The following SEMA6B variants were observed in gnomAD, a reference collection of about 807,000 sequenced individuals.
SEMA6B encodes the protein semaphorin 6B, also known as semaphorin-6B.
In SEMA6B, 47 loss-of-function variants were observed where a neutral mutation model predicts 78.6. The ratio of observed to expected loss-of-function variants is 0.60; its 90% CI spans 0.47 to 0.76. SEMA6B has a LOEUF of 0.76. Among genes scored for constraint, SEMA6B ranks in the 30% least tolerant of loss-of-function variants. The pLI, the probability that SEMA6B is intolerant of heterozygous loss-of-function variation, is 0.00. For missense variants in SEMA6B, 1,213 were observed against 1,269.9 expected (o/e 0.96, Z 0.68); for synonymous variants, 632 against 592.2 (o/e 1.07, Z -0.98).
intron 1 of SEMA6B, among the ~76,000 whole-genome samples, 200 bp downstream of exon 1, chr19:4,559,330 C>T (rs945116300): frequency 7.2e-5 from 11 of 152,136 alleles, no homozygotes; most frequent in African/African-American, 1.4e-4. Context: ...TTTCATTCTC[C>T]GCTTGCACAC....
Position 4,550,961 on chromosome 19 carries a change from G to A in SEMA6B, c.990-31C>T. The A allele has an allele frequency of 6.2e-7, 1 of 1,611,524 alleles. No homozygotes were observed. Among genetic ancestry groups the A allele is most frequent in the Non-Finnish European group, 8.5e-7 (1 of 1,178,750 alleles). On this transcript the variant is annotated intron_variant, in intron 10 of 16. Transcript: ENST00000586582. The surrounding 1 kb of genome is among the most constrained non-coding windows in gnomAD (Gnocchi z 6.6). The stretch of plus-strand genomic sequence containing the variant: ...GGGTTGGGATGAAAGAGTTTGGTGA[G>A]CCCGGTGGGAGGCCCCATCTCGGAC...
Position 4,550,424 on chromosome 19 carries a change from G to C in SEMA6B, c.1122-152C>G. 1.2e-6 allele frequency: 1 copy of C among 848,154 alleles called. No homozygotes were observed. Among genetic ancestry groups the C allele is most frequent in the Non-Finnish European group, 1.8e-6 (1 of 553,858 alleles). The allele number at this position is 848,154 out of a possible 1,614,324, so 52.5% of individuals were successfully genotyped here. On this transcript the variant is annotated intron_variant, in intron 11 of 16. Transcript: ENST00000586582. The surrounding 1 kb of genome is among the most constrained non-coding windows in gnomAD (Gnocchi z 6.6). ...GAGTCTCAATCTGTCGCCCAGGCTG[G>C]AGTGCTTTGGCTCACTGCAACCTCC...
At chr19:4,546,165 C>T in intron 16 of SEMA6B, 51 bp downstream of exon 16, 2 of 1,533,784 alleles carry the variant, frequency 1.3e-6, no homozygotes, top group Non-Finnish European at 1.8e-6. Context: ...CCCTCCCCTC[C>T]CCCATGGTAG....
rs1977548955 is a variant in SEMA6B, at chr19:4,558,998, G to A, written c.-32-509C>T. Among the ~76,000 whole-genome samples, 1 of 151,858 alleles carries A rather than the reference G, an allele frequency of 6.6e-6. No individual in the cohort carries two copies. The highest frequency in any genetic ancestry group is 1.5e-5 in the Non-Finnish European group (1 of 67,948). Reference sequence around the variant, plus strand: ...CATCTGAGGTCAGGAGTTCAAGACCGGCCTGCCTAACATAGCGAAACCCTG... The same window carrying A: ...CATCTGAGGTCAGGAGTTCAAGACCAGCCTGCCTAACATAGCGAAACCCTG... On this transcript the variant is annotated intron_variant, in intron 1 of 16. Coordinates refer to ENST00000586582, the MANE Select transcript of SEMA6B (RefSeq NM_032108.4). The surrounding 1 kb of genome is among the most constrained non-coding windows in gnomAD (Gnocchi z 5.1).
chr19:4,543,640 G>C lies in SEMA6B; in HGVS notation c.2628C>G (p.Pro876=), dbSNP rs1977079440. 4 of 1,232,614 alleles carry C rather than the reference G, an allele frequency of 3.2e-6. No homozygotes were observed. The allele number at this position is 1,232,614 out of a possible 1,614,324, so 76.4% of individuals were successfully genotyped here. A position where few individuals can be genotyped will look rare whatever the true frequency, so the allele number is the denominator to read the frequency against. The change falls in exon 17 of 17, where the codon CCC becomes CCG. Residue 876 remains proline, a synonymous_variant. Coordinates refer to ENST00000586582, the MANE Select transcript of SEMA6B (RefSeq NM_032108.4). ...RPGTDLAHLL[P]YGGADRTAPP... The stretch of plus-strand genomic sequence containing the variant: ...GCGCAGTCCTGTCCGCCCCCCCATA[G>C]GGGAGGAGGTGGGCCAAGTCTGTGC...
chr19:4,546,125 C>T, intron 16 of SEMA6B, 91 bp downstream of exon 16: 2 of 1,332,700 alleles, frequency 1.5e-6, no homozygotes, highest in South Asian at 1.4e-5. Context: ...CACCCACCTC[C>T]CAGAGGATTC....
At chr19:4,559,340 C>T (rs528618158) in intron 1 of SEMA6B, among the ~76,000 whole-genome samples, 190 bp downstream of exon 1, 43 of 152,308 alleles carry the variant, frequency 2.8e-4, no homozygotes, top group African/African-American at 1.0e-3. Context: ...CGCTTGCACA[C>T]CTCCATGACA....
intron 3 of SEMA6B, 37 bp downstream of exon 3, chr19:4,557,989 C>A: frequency 7.5e-7 from 1 of 1,326,754 alleles, no homozygotes; most frequent in African/African-American, 1.5e-5. Context: ...GCTCATTCTG[C>A]TCGTCACACA....
At chr19:4,546,298 C>T (rs770357639) in intron 15 of SEMA6B, 24 bp from the exon 16 acceptor site, 14 of 1,612,206 alleles carry the variant, frequency 8.7e-6, no homozygotes, top group Non-Finnish European at 1.2e-5. Context: ...GAGGCACCGT[C>T]AGCAGAGGCC....
chr19:4,551,594 G>A (rs1977333636), intron 10 of SEMA6B, among the ~76,000 whole-genome samples: 1 of 151,744 alleles, frequency 6.6e-6, no homozygotes, highest in Admixed American at 6.6e-5. Flanking sequence ...CACTTTGGGA[G>A]GCTGAGGCGG....
rs1486567425 is a variant in SEMA6B, at chr19:4,544,126, C to T, written c.2142G>A (p.Pro714=). ...GAGTGGGCAGGCGCTTCTGCGGCAG[C>T]GGCGTCTGCTCGGGCGTGGGCAGCA... ...SGLLPTPEQT[P]LPQKRLPTPH... Residue 714 remains proline, a synonymous_variant, in exon 17 of 17, where the codon CCG becomes CCA. Coordinates refer to ENST00000586582, the MANE Select transcript of SEMA6B (RefSeq NM_032108.4). This position sits in a 1 kb window ranked among gnomAD's most constrained non-coding sequence, Gnocchi z 5.1. 1.6e-6 allele frequency: 2 copies of T among 1,274,336 alleles called. No homozygotes were observed. The highest frequency in any genetic ancestry group is 2.0e-6 in the Non-Finnish European group (2 of 1,011,818). 78.9% of individuals were successfully genotyped at this position (1,274,336 alleles called of 1,614,324 possible). A position where few individuals can be genotyped will look rare whatever the true frequency, so the allele number is the denominator to read the frequency against.
chr19:4,559,535 A>C lies in SEMA6B; in HGVS notation c.-38T>G, dbSNP rs1441550412. On this transcript the variant is annotated 5_prime_UTR_variant, in exon 1 of 17. Transcript: ENST00000586582. The stretch of plus-strand genomic sequence containing the variant: ...CAGTTCAGAGCACCCCCTACCAGAA[A>C]GGGGTACAGTCCAGGTCCCGGAGCC... The C allele has an allele frequency of 1.3e-5, 2 of 152,130 alleles. No individual in the cohort carries two copies. Among genetic ancestry groups the C allele is most frequent in the Admixed American group, 1.3e-4 (2 of 15,256 alleles). The allele number at this position is 152,130 out of a possible 1,614,324, so 9.4% of individuals were successfully genotyped here.
chr19:4,545,198 G>C (rs139906349), intron 16 of SEMA6B, among the ~76,000 whole-genome samples: 13 of 151,764 alleles, frequency 8.6e-5, no homozygotes, highest in African/African-American at 3.1e-4. Flanking sequence ...AATTTTAGCC[G>C]GACATGGTGG....
At chr19:4,556,927 G>C in intron 5 of SEMA6B, 24 bp downstream of exon 5, 1 of 1,606,828 alleles carries the variant, frequency 6.2e-7, no homozygotes, top group South Asian at 1.1e-5. Flanking sequence ...CGCAGGGGCC[G>C]GGACCGAGCC....
Position 4,544,673 on chromosome 19 carries a change from TGTGCCAGGCTGGA to T in SEMA6B, c.1739-157_1739-145del. The T allele has an allele frequency of 4.3e-6, 2 of 470,018 alleles. No individual in the cohort carries two copies. Among genetic ancestry groups the T allele is most frequent in the Non-Finnish European group, 6.9e-6 (2 of 290,586 alleles). The allele number at this position is 470,018 out of a possible 1,614,324, so 29.1% of individuals were successfully genotyped here. On this transcript the variant is annotated intron_variant, in intron 16 of 16. Coordinates refer to ENST00000586582, the MANE Select transcript of SEMA6B (RefSeq NM_032108.4). The surrounding 1 kb of genome is among the most constrained non-coding windows in gnomAD (Gnocchi z 5.1). ...TTTTTTGAGAAGGAGTCTTCCTTTGTGTGCCAGGCTGGAGTGCAGTGGGGCGATCTCGATTCAC... is the reference window on the plus strand; with the variant it reads ...TTTTTTGAGAAGGAGTCTTCCTTTGTGTGCAGTGGGGCGATCTCGATTCAC...
chr19:4,558,002 C>A lies in SEMA6B; in HGVS notation c.245+24G>T. 1 of 1,361,596 alleles carries A rather than the reference C, an allele frequency of 7.3e-7. No individual in the cohort carries two copies. The highest frequency in any genetic ancestry group is 9.6e-7 in the Non-Finnish European group (1 of 1,040,674). The allele number at this position is 1,361,596 out of a possible 1,614,324, so 84.3% of individuals were successfully genotyped here. On this transcript the variant is annotated intron_variant, in intron 3 of 16. Coordinates refer to ENST00000586582, the MANE Select transcript of SEMA6B (RefSeq NM_032108.4). The surrounding 1 kb of genome is among the most constrained non-coding windows in gnomAD (Gnocchi z 5.1). ...TCGCTCATTCTGCTCGTCACACAGG[C>A]CTCCTTGCTGTCCCCAGCAATACCT...
chr19:4,546,384 C>A lies in SEMA6B; in HGVS notation c.1679+8G>T, dbSNP rs533879381. 11 of 1,584,406 alleles carry A rather than the reference C, an allele frequency of 6.9e-6. No homozygotes were observed. The East Asian group carries it at 9.3e-5, about 13-fold the overall frequency. ...ACACCCTCCACCCACCTCCCTCTCC[C>A]GCAGTACCTGGTGCCCGGGCTGAGG... On this transcript the variant is annotated splice_region_variant and intron_variant, in intron 15 of 16. Transcript: ENST00000586582.
Position 4,555,137 on chromosome 19 carries a change from G to A in SEMA6B, c.563-42C>T, listed in dbSNP as rs911040026. 9.3e-6 allele frequency: 15 copies of A among 1,608,026 alleles called. No homozygotes were observed. Among genetic ancestry groups the A allele is most frequent in the African/African-American group, 6.7e-5 (5 of 74,830 alleles). On this transcript the variant is annotated intron_variant, in intron 7 of 16. Transcript: ENST00000586582. The surrounding 1 kb of genome is among the most constrained non-coding windows in gnomAD (Gnocchi z 6.1). ...GGGAAGGCAGGCAAGAGATGAGACC[G>A]CAGAGGCCAGGGGCTGGGTGGGTCG...
At position 4,543,048 on chromosome 19, in the gene SEMA6B, GAC is replaced by G. The variant is rs924905192; in HGVS notation, c.*551_*552del. 6.5e-5 allele frequency: 43 copies of G among 663,720 alleles called. No homozygotes were observed. The highest frequency in any genetic ancestry group is 1.0e-4 in the Non-Finnish European group (38 of 362,356). The allele number at this position is 663,720 out of a possible 1,614,324, so 41.1% of individuals were successfully genotyped here. A position where few individuals can be genotyped will look rare whatever the true frequency, so the allele number is the denominator to read the frequency against. ...CACACCCTGCACGCGTGGCCCACTT[GAC>G]ACACACGCCCACAGCAGCCTTCGCT... On this transcript the variant is annotated 3_prime_UTR_variant, in exon 17 of 17. Transcript: ENST00000586582.
Sources: gnomAD v4.1 joint callset for allele counts (sites outside exome capture counted in the v4.1 genomes callset) on GRCh38, gnomAD v4.1.1 for gene constraint, Gnocchi (gnomAD v3.1) non-coding constraint, MANE v1.5 for transcripts, NCBI Gene and HGNC (gene_info 2026-07-23, HGNC 2026-07-21) for gene names.